Variants in MAP7 observed in about 807,000 individuals in gnomAD.
MAP7 encodes the protein ensconsin.
MAP7 carries 52 observed loss-of-function variants against 94.8 expected under a neutral mutation model. That is an observed-to-expected ratio of 0.55 (90% CI 0.44 to 0.69). The LOEUF is 0.69. Ranked by LOEUF, MAP7 falls within the 30% of genes least tolerant of loss-of-function variation. MAP7 has a pLI of 0.00. For missense variants in MAP7, 940 were observed against 964.6 expected (o/e 0.97, Z 0.34); for synonymous variants, 350 against 357.0 (o/e 0.98, Z 0.22).
At chr6:136,402,429 C>A (rs1784346958) in intron 3 of MAP7, among the ~76,000 whole-genome samples, 1 of 152,206 alleles carries the variant, frequency 6.6e-6, no homozygotes, top group Non-Finnish European at 1.5e-5. Context: ...GGAGAGCTGC[C>A]TGATAAGAAG....
chr6:136,506,139 TTTC>T (rs1164932340), intron 1 of MAP7, among the ~76,000 whole-genome samples: 4 of 152,180 alleles, frequency 2.6e-5, no homozygotes, highest in African/African-American at 9.7e-5. Context: ...TAGAAAACCT[TTTC>T]TTAACAGCCT....
rs577566892 is a variant in MAP7 at position 136,360,883 on chromosome 6, G to A, written c.1702-85C>T. ...GGGGGTGCCCAGAGGTGGGGGCGAGGTGGCGGATGGAGAAGGTGTGGAAAG... is the reference window on the plus strand; with the variant it reads ...GGGGGTGCCCAGAGGTGGGGGCGAGATGGCGGATGGAGAAGGTGTGGAAAG... On this transcript the variant is annotated intron_variant, in intron 12 of 17. Coordinates refer to ENST00000354570, the MANE Select transcript of MAP7 (RefSeq NM_003980.6). 4.5e-6 allele frequency: 7 copies of A among 1,560,376 alleles called. No homozygotes were observed. In the South Asian group the frequency reaches 5.6e-5, roughly 12 times the overall value.
At chr6:136,501,421 G>C (rs1819791794) in intron 1 of MAP7, among the ~76,000 whole-genome samples, 1 of 152,172 alleles carries the variant, frequency 6.6e-6, no homozygotes, top group Non-Finnish European at 1.5e-5. Context: ...CTGGGGTTTA[G>C]GTATTACCTT....
intron 3 of MAP7, among the ~76,000 whole-genome samples, chr6:136,402,286 G>C (rs985705263): frequency 6.6e-6 from 1 of 152,232 alleles, no homozygotes; most frequent in South Asian, 2.1e-4. Context: ...GTCTAGTCTA[G>C]CAGATGGTTA....
chr6:136,538,740 A>G (rs1829076624), intron 1 of MAP7, among the ~76,000 whole-genome samples: 1 of 144,894 alleles, frequency 6.9e-6, no homozygotes, highest in Non-Finnish European at 1.5e-5. Context: ...GCAGTGAGCC[A>G]TGATGGTGCC....
At chr6:136,360,097 A>G in intron 13 of MAP7, 66 bp from the exon 14 acceptor site, 1 of 1,212,950 alleles carries the variant, frequency 8.2e-7, no homozygotes, top group East Asian at 2.3e-5. Flanking sequence ...GGCATATTTA[A>G]CTGATGAAAT....
Position 136,402,634 on chromosome 6 carries a change from C to T in MAP7, c.244+8986G>A, listed in dbSNP as rs538608721. ...ATAAGAAAGGACTTACTGCCGGGCA[C>T]GGTGGCTCACGCCTGTAATCCCAGC... On this transcript the variant is annotated intron_variant, in intron 3 of 17. Coordinates refer to ENST00000354570, the MANE Select transcript of MAP7 (RefSeq NM_003980.6). 2.5e-4 allele frequency among the ~76,000 whole-genome samples: 38 copies of T among 152,212 alleles called. 2 individuals are homozygous for T. The South Asian group carries it at 7.1e-3, about 28-fold the overall frequency.
chr6:136,523,101 A>T (rs557414205), intron 1 of MAP7, among the ~76,000 whole-genome samples: 1 of 152,214 alleles, frequency 6.6e-6, no homozygotes, highest in Non-Finnish European at 1.5e-5. Flanking sequence ...GCAACAAATG[A>T]TACAGGCAAC....
At chr6:136,548,172 G>A (rs1358012425) in intron 1 of MAP7, among the ~76,000 whole-genome samples, 2 of 139,038 alleles carry the variant, frequency 1.4e-5, no homozygotes, top group East Asian at 2.1e-4. Context: ...GTATTTGGAT[G>A]TGTATAATGT....
chr6:136,372,575 A>G lies in MAP7; in HGVS notation c.802T>C (p.Ser268Pro), dbSNP rs1423525328. Residue 268 changes from serine (S) to proline (P), a missense_variant, in exon 8 of 18, where the codon TCG (serine) becomes CCG (proline). Transcript: ENST00000354570. ...MPYKAAHSRN[S>P]MDRPKLFVTP... ...ACAAAGAGTTTTGGTCGATCCATCGAATTTCTAGAGTGTGCAGCTTTGTAG... is the reference window on the plus strand; with the variant it reads ...ACAAAGAGTTTTGGTCGATCCATCGGATTTCTAGAGTGTGCAGCTTTGTAG... 1 of 1,614,172 alleles carries G rather than the reference A, an allele frequency of 6.2e-7. No homozygotes were observed. The highest frequency in any genetic ancestry group is 8.5e-7 in the Non-Finnish European group (1 of 1,180,032).
At chr6:136,468,485 C>T (rs550072033) in intron 1 of MAP7, among the ~76,000 whole-genome samples, 2 of 152,190 alleles carry the variant, frequency 1.3e-5, no homozygotes, top group East Asian at 3.9e-4. Context: ...TCCTGATAAG[C>T]CCATTATAAG....
chr6:136,398,870 G>A (rs1783267912), intron 3 of MAP7, among the ~76,000 whole-genome samples: 1 of 152,148 alleles, frequency 6.6e-6, no homozygotes, highest in Non-Finnish European at 1.5e-5. Flanking sequence ...CATGGGTTGT[G>A]TGCAACACTC....
intron 7 of MAP7, among the ~76,000 whole-genome samples, chr6:136,375,240 A>G (rs770510761): frequency 1.3e-5 from 2 of 152,210 alleles, no homozygotes; most frequent in Non-Finnish European, 1.5e-5. Flanking sequence ...TTGCATATAC[A>G]TTATTTAATC....
intron 1 of MAP7, among the ~76,000 whole-genome samples, chr6:136,520,927 G>T (rs1235304886): frequency 6.6e-6 from 1 of 152,232 alleles, no homozygotes. Context: ...CTGGTAGGTA[G>T]TCTAGGTGCC....
chr6:136,395,044 CTG>C (rs1782042553), intron 3 of MAP7, among the ~76,000 whole-genome samples: 1 of 143,432 alleles, frequency 7.0e-6, no homozygotes, highest in Non-Finnish European at 1.5e-5. Context: ...CGTGAATAGT[CTG>C]TTGGATATTC....
chr6:136,500,587 G>A lies in MAP7; in HGVS notation c.67+49755C>T, dbSNP rs1033847668. Among the ~76,000 whole-genome samples the A allele has an allele frequency of 3.3e-5, 5 of 152,114 alleles. No homozygotes were observed. The South Asian group carries it at 6.2e-4, about 19-fold the overall frequency. ...TTGTAGTAATGTTAGACATACTATC[G>A]TCCTCTAAACGTAGGAATGCTGACG... On this transcript the variant is annotated intron_variant, in intron 1 of 17. Coordinates refer to ENST00000354570, the MANE Select transcript of MAP7 (RefSeq NM_003980.6).
intron 15 of MAP7, among the ~76,000 whole-genome samples, chr6:136,357,956 T>C (rs915387783): frequency 6.6e-6 from 1 of 152,164 alleles, no homozygotes; most frequent in Admixed American, 6.5e-5. Context: ...AAACATATGA[T>C]AGGTCTGTAA....
At chr6:136,439,919 G>A (rs117200612) in intron 1 of MAP7, among the ~76,000 whole-genome samples, 142 of 152,244 alleles carry the variant, frequency 9.3e-4, no homozygotes, top group African/African-American at 3.1e-3. Flanking sequence ...CTTCATGCCC[G>A]GTCTCGCTCC....
rs936267096 is a variant in MAP7 at position 136,499,880 on chromosome 6, T to G, written c.67+50462A>C. On this transcript the variant is annotated intron_variant, in intron 1 of 17. Transcript: ENST00000354570. ...GCATGGTGGCACATGCCTATAGTCC[T>G]AGCTATTCAGGAGGCTGAAGCGGGA... Among the ~76,000 whole-genome samples, 5 of 152,098 alleles carry G rather than the reference T, an allele frequency of 3.3e-5. No individual in the cohort carries two copies. In the East Asian group the frequency reaches 5.8e-4, roughly 18 times the overall value.
Sources: allele counts gnomAD v4.1 joint callset (sites outside exome capture counted in the v4.1 genomes callset), GRCh38; gene constraint gnomAD v4.1.1; transcripts MANE v1.5; gene names NCBI Gene and HGNC (gene_info 2026-07-23, HGNC 2026-07-21).